SLC25A26: variants seen among roughly 807,000 people sequenced by gnomAD.
SLC25A26 encodes mitochondrial S-adenosylmethionine carrier protein.
A neutral mutation model predicts 37.8 loss-of-function variants in SLC25A26; 36 were observed. The ratio of observed to expected loss-of-function variants is 0.95; its 90% confidence interval spans 0.73 to 1.26. The LOEUF (loss-of-function observed/expected upper bound fraction) is 1.26. Ranked by LOEUF, SLC25A26 falls within the 50% of genes most tolerant of loss-of-function variation. SLC25A26 has a pLI of 0.00. For synonymous variants in SLC25A26, 129 were observed against 122.5 expected, an observed-to-expected ratio of 1.05 and a Z score of -0.35; for missense variants, 390 against 331.1, an observed-to-expected ratio of 1.18 and a Z score of -1.38.
intron 5 of SLC25A26, among the ~76,000 whole-genome samples, chr3:66,264,959 C>T (rs1250247051): frequency 6.6e-6 from 1 of 152,124 alleles, no homozygotes; most frequent in Non-Finnish European, 1.5e-5. Context: ...TTCTTTTGTT[C>T]TGTTTGGTTG....
At chr3:66,182,324 G>T (rs2070726190) in intron 1 of SLC25A26, among the ~76,000 whole-genome samples, 1 of 152,096 alleles carries the variant, frequency 6.6e-6, no homozygotes, top group Non-Finnish European at 1.5e-5. Flanking sequence ...TCCCCCAAAA[G>T]CTGTTATTCT....
At chr3:66,253,285 C>T (rs2073166073) in intron 3 of SLC25A26, among the ~76,000 whole-genome samples, 1 of 151,510 alleles carries the variant, frequency 6.6e-6, no homozygotes, top group African/African-American at 2.4e-5. Flanking sequence ...GTGGTGGACG[C>T]CTGTAGTCCC....
chr3:66,357,371 T>C (rs2076600432), intron 6 of SLC25A26, among the ~76,000 whole-genome samples: 1 of 152,210 alleles, frequency 6.6e-6, no homozygotes, highest in African/African-American at 2.4e-5. Flanking sequence ...CTGTGATCAC[T>C]TCACTGCACT....
intron 9 of SLC25A26, among the ~76,000 whole-genome samples, chr3:66,377,271 GAATC>G (rs1700717511): frequency 6.6e-6 from 1 of 152,132 alleles, no homozygotes; most frequent in Non-Finnish European, 1.5e-5. Context: ...GGAACACAGG[GAATC>G]CATGGAGGTT....
chr3:66,353,473 T>G (rs1321737957), intron 6 of SLC25A26, among the ~76,000 whole-genome samples: 2 of 152,226 alleles, frequency 1.3e-5, no homozygotes, highest in African/African-American at 2.4e-5. Context: ...GGTTCAGATC[T>G]AACTCCAGAC....
Position 66,234,699 on chromosome 3 carries a change from G to T in SLC25A26, c.34-1845G>T, listed in dbSNP as rs138937489. Among the ~76,000 whole-genome samples, 1,203 of 152,292 alleles carry T rather than the reference G, an allele frequency of 7.9e-3. 18 individuals carry two copies. Among genetic ancestry groups the T allele is most frequent in the African/African-American group, 0.028 (1,153 of 41,558 alleles). On this transcript the variant is annotated intron_variant, in intron 1 of 9. Coordinates refer to ENST00000354883, the MANE Select transcript of SLC25A26 (RefSeq NM_001379210.1). ...GGGATGGTTTTATGGTGAGCGGTAAGTAAAGCAGATAGTATTTGCTAGGTA... is the reference window on the plus strand; with the variant it reads ...GGGATGGTTTTATGGTGAGCGGTAATTAAAGCAGATAGTATTTGCTAGGTA...
At chr3:66,326,999 GA>G (rs1184721909) in intron 5 of SLC25A26, among the ~76,000 whole-genome samples, 1 of 152,146 alleles carries the variant, frequency 6.6e-6, no homozygotes, top group African/African-American at 2.4e-5. Flanking sequence ...TTTAAAAATG[GA>G]AAAGCATTTT....
At chr3:66,208,979 T>TATAC (rs2071225963) in intron 1 of SLC25A26, among the ~76,000 whole-genome samples, 2 of 124,364 alleles carry the variant, frequency 1.6e-5, no homozygotes, top group Non-Finnish European at 3.3e-5. Context: ...GGTGTGTATA[T>TATAC]ATATATATAT....
At chr3:66,329,959 T>C (rs540471512) in intron 5 of SLC25A26, among the ~76,000 whole-genome samples, 25 of 152,240 alleles carry the variant, frequency 1.6e-4, no homozygotes, top group Non-Finnish European at 3.4e-4. Context: ...TTTGTAGGGA[T>C]CTAATCCGTC....
At chr3:66,240,604 T>G (rs2072529339) in intron 2 of SLC25A26, among the ~76,000 whole-genome samples, 1 of 152,094 alleles carries the variant, frequency 6.6e-6, no homozygotes, top group Non-Finnish European at 1.5e-5. Context: ...ACATTTCTCT[T>G]AACTATGAAT....
At chr3:66,191,462 A>G (rs2106790414) in intron 1 of SLC25A26, among the ~76,000 whole-genome samples, 1 of 152,342 alleles carries the variant, frequency 6.6e-6, no homozygotes, top group Non-Finnish European at 1.5e-5. Flanking sequence ...ATTCCTCTCA[A>G]AAATATCTCC....
At position 66,229,712 on chromosome 3, in the gene SLC25A26, C is replaced by A. The variant is rs542353376; in HGVS notation, c.34-6832C>A. ...ATAGCTGTGTGAGAACAGACTAATA[C>A]AAAGACCAAGTTGAAACCGAAGCTA... On this transcript the variant is annotated intron_variant, in intron 1 of 9. Transcript: ENST00000354883. Among the ~76,000 whole-genome samples, 10 of 152,274 alleles carry A rather than the reference C, an allele frequency of 6.6e-5. No individual in the cohort carries two copies. The East Asian group carries it at 1.9e-3, about 29-fold the overall frequency.
At chr3:66,236,924 C>T (rs1310534217) in intron 2 of SLC25A26, among the ~76,000 whole-genome samples, 7 of 152,296 alleles carry the variant, frequency 4.6e-5, no homozygotes, top group South Asian at 4.1e-4. Context: ...GCAACCTTGA[C>T]CTCCTGGGCT....
At chr3:66,171,524 C>G (rs567286573) in intron 1 of SLC25A26, among the ~76,000 whole-genome samples, 5 of 152,152 alleles carry the variant, frequency 3.3e-5, no homozygotes, top group Non-Finnish European at 7.4e-5. Context: ...GAGTCTTGCT[C>G]TATCACCCAG....
chr3:66,206,723 G>A (rs1318273709), intron 1 of SLC25A26, among the ~76,000 whole-genome samples: 3 of 138,454 alleles, frequency 2.2e-5, no homozygotes, highest in African/African-American at 8.0e-5. Flanking sequence ...TTTTTTTTTA[G>A]ACAGAGTCTT....
intron 1 of SLC25A26, among the ~76,000 whole-genome samples, chr3:66,208,023 T>C (rs1287039365): frequency 5.9e-5 from 9 of 152,198 alleles, no homozygotes; most frequent in Non-Finnish European, 1.3e-4. Flanking sequence ...GATGGCAACT[T>C]ATATATTGCA....
At chr3:66,361,213 A>G (rs1007051641) in intron 6 of SLC25A26, among the ~76,000 whole-genome samples, 3 of 152,242 alleles carry the variant, frequency 2.0e-5, no homozygotes, top group Non-Finnish European at 4.4e-5. Flanking sequence ...AATAACTTCA[A>G]TCTACATATT....
At chr3:66,290,172 G>C (rs933102164) in intron 5 of SLC25A26, among the ~76,000 whole-genome samples, 6 of 152,196 alleles carry the variant, frequency 3.9e-5, no homozygotes, top group African/African-American at 1.4e-4. Context: ...TTTGTATCCT[G>C]AGATTTTGCT....
intron 5 of SLC25A26, among the ~76,000 whole-genome samples, chr3:66,299,084 C>T (rs186031680): frequency 3.9e-5 from 6 of 152,126 alleles, no homozygotes; most frequent in Middle Eastern, 3.4e-3. Context: ...GAATACGTAC[C>T]TATGTATACA....
Sources: allele counts gnomAD v4.1 joint callset (sites outside exome capture counted in the v4.1 genomes callset), GRCh38; gene constraint gnomAD v4.1.1; transcripts MANE v1.5; gene names NCBI Gene and HGNC (gene_info 2026-07-23, HGNC 2026-07-21).